Variants in IGF1R observed in about 807,000 individuals in gnomAD.
IGF1R encodes insulin-like growth factor 1 receptor.
A neutral mutation model predicts 144.6 loss-of-function variants in IGF1R; 44 were observed. The ratio of observed to expected loss-of-function variants is 0.30; its 90% CI spans 0.24 to 0.39. The LOEUF (loss-of-function observed/expected upper bound fraction) is 0.39, where lower values mean the gene tolerates loss of function less well. Among genes scored for constraint, IGF1R ranks in the 10% least tolerant of loss-of-function variants. IGF1R has a pLI of 1.00. For missense variants in IGF1R, 1,355 were observed against 1,833.7 expected, an observed-to-expected ratio of 0.74 and a Z score of 4.77; for synonymous variants, 795 against 722.8, an observed-to-expected ratio of 1.10 and a Z score of -1.60.
chr15:98,806,247 G>GTGT (rs1474204087), intron 2 of IGF1R, among the ~76,000 whole-genome samples: 1 of 152,146 alleles, frequency 6.6e-6, no homozygotes, highest in African/African-American at 2.4e-5. Context: ...ACAGGGCGAG[G>GTGT]TGTGGGGGGT....
chr15:98,947,842 A>G (rs1484572752), intron 19 of IGF1R, among the ~76,000 whole-genome samples: 2 of 152,188 alleles, frequency 1.3e-5, no homozygotes, highest in African/African-American at 4.8e-5. Context: ...GAGGCCCTGC[A>G]GGCCAGCAGC....
At chr15:98,810,747 AC>A (rs763739101) in intron 2 of IGF1R, among the ~76,000 whole-genome samples, 4 of 151,372 alleles carry the variant, frequency 2.6e-5, no homozygotes, top group Non-Finnish European at 5.9e-5. Context: ...ACGGGGTTTC[AC>A]CGTGTTAGCC....
At chr15:98,878,720 C>CGGT (rs1454364075) in intron 2 of IGF1R, among the ~76,000 whole-genome samples, 1 of 145,610 alleles carries the variant, frequency 6.9e-6, no homozygotes, top group Non-Finnish European at 1.5e-5. Flanking sequence ...AGGCCAGGCA[C>CGGT]GGTGGCTCAG....
chr15:98,658,998 A>G (rs2052543642), intron 1 of IGF1R, among the ~76,000 whole-genome samples: 1 of 152,266 alleles, frequency 6.6e-6, no homozygotes, highest in South Asian at 2.1e-4. Context: ...TGCCTAGAAT[A>G]GAACCTGGCA....
intron 2 of IGF1R, among the ~76,000 whole-genome samples, chr15:98,843,654 C>T (rs976288169): frequency 1.3e-5 from 2 of 151,984 alleles, no homozygotes; most frequent in African/African-American, 4.8e-5. Context: ...AGAAAGCAAC[C>T]CTGAAAGAAG....
chr15:98,733,399 G>A (rs1016868444), intron 2 of IGF1R, among the ~76,000 whole-genome samples: 1 of 152,006 alleles, frequency 6.6e-6, no homozygotes, highest in African/African-American at 2.4e-5. Flanking sequence ...TTTTAATAGA[G>A]ATGGGGTCTT....
chr15:98,720,518 C>T (rs1458860665), intron 2 of IGF1R, among the ~76,000 whole-genome samples: 2 of 152,084 alleles, frequency 1.3e-5, no homozygotes, highest in South Asian at 2.1e-4. Flanking sequence ...GGACTGCCTA[C>T]GAAACTAGAT....
At chr15:98,840,419 G>C (rs2011153575) in intron 2 of IGF1R, among the ~76,000 whole-genome samples, 1 of 152,176 alleles carries the variant, frequency 6.6e-6, no homozygotes, top group Non-Finnish European at 1.5e-5. Flanking sequence ...AAGAAGAAAA[G>C]ACAGGGAGGA....
chr15:98,755,889 G>C (rs992324402), intron 2 of IGF1R, among the ~76,000 whole-genome samples: 3 of 152,140 alleles, frequency 2.0e-5, no homozygotes, highest in Non-Finnish European at 4.4e-5. Flanking sequence ...GGAAGAGGCT[G>C]ATGAATTTTA....
intron 13 of IGF1R, among the ~76,000 whole-genome samples, chr15:98,927,634 G>A (rs779264898): frequency 1.3e-5 from 2 of 152,160 alleles, no homozygotes; most frequent in Non-Finnish European, 2.9e-5. Flanking sequence ...CCAGCTTTCC[G>A]TTGGTAATGA....
In IGF1R at chr15:98,957,654, G is replaced by A; in HGVS notation, c.*212G>A. ...ATATGCAAGCAGCTTTTTATTCCCT[G>A]CCCAAACCCTTAACTGACATGGGCC... is the stretch of plus-strand genomic sequence containing the variant. On this transcript the variant is annotated 3_prime_UTR_variant, in exon 21 of 21. Transcript: ENST00000650285. 2 of 624,052 alleles carry A rather than the reference G, an allele frequency of 3.2e-6. No individual in the cohort carries two copies. Among genetic ancestry groups the A allele is most frequent in the South Asian group, 1.9e-5 (1 of 51,630 alleles). 38.7% of individuals were successfully genotyped at this position (624,052 alleles called of 1,614,324 possible). A position where few individuals can be genotyped will look rare whatever the true frequency, so the allele number is the denominator to read the frequency against.
intron 4 of IGF1R, 139 bp from the exon 5 acceptor site, chr15:98,899,338 A>C: frequency 1.2e-6 from 1 of 833,274 alleles, no homozygotes; most frequent in Non-Finnish European, 2.0e-6. Context: ...TGTTTTTGTC[A>C]GGGAGCAGCC....
chr15:98,876,680 G>C (rs948006728), intron 2 of IGF1R, among the ~76,000 whole-genome samples: 1 of 152,058 alleles, frequency 6.6e-6, no homozygotes, highest in African/African-American at 2.4e-5. Flanking sequence ...GTTTTTTTCC[G>C]AGGCACTTTT....
chr15:98,786,917 G>C (rs996938998), intron 2 of IGF1R, among the ~76,000 whole-genome samples: 11 of 152,160 alleles, frequency 7.2e-5, no homozygotes, highest in African/African-American at 2.7e-4. Flanking sequence ...TTGATCCTTA[G>C]ACATTCCTTA....
At chr15:98,864,637 C>T (rs926297942) in intron 2 of IGF1R, among the ~76,000 whole-genome samples, 26 of 152,226 alleles carry the variant, frequency 1.7e-4, no homozygotes, top group Non-Finnish European at 2.6e-4. Context: ...CTTCTCCAGT[C>T]GGCCTCCCAA....
intron 2 of IGF1R, among the ~76,000 whole-genome samples, chr15:98,724,231 C>G (rs1229433481): frequency 6.6e-6 from 1 of 152,190 alleles, no homozygotes; most frequent in Admixed American, 6.5e-5. Context: ...CACTTATGAA[C>G]CAAGAACCTG....
intron 2 of IGF1R, among the ~76,000 whole-genome samples, chr15:98,888,194 A>G (rs2013732498): frequency 6.6e-6 from 1 of 152,234 alleles, no homozygotes; most frequent in East Asian, 1.9e-4. Context: ...CCCTGGGGAC[A>G]GGATTGTCGC....
Position 98,958,658 on chromosome 15 carries a change from T to C in IGF1R, c.*1216T>C, listed in dbSNP as rs1400717173. On this transcript the variant is annotated 3_prime_UTR_variant, in exon 21 of 21. Transcript: ENST00000650285. The stretch of plus-strand genomic sequence containing the variant: ...CACATCGTCTTTAATGTCACTTTTA[T>C]AACTTTTTTACGGTTCAGATATTCA... 4.3e-6 allele frequency: 1 copy of C among 231,836 alleles called. No individual in the cohort carries two copies. The highest frequency in any genetic ancestry group is 8.5e-6 in the Non-Finnish European group (1 of 117,016). 14.4% of individuals were successfully genotyped at this position (231,836 alleles called of 1,614,324 possible).
chr15:98,861,298 C>G (rs183047445), intron 2 of IGF1R, among the ~76,000 whole-genome samples: 1 of 152,318 alleles, frequency 6.6e-6, no homozygotes, highest in East Asian at 1.9e-4. Context: ...AATATACATG[C>G]AGGGACATTC....
Sources: allele counts gnomAD v4.1 joint callset (sites outside exome capture counted in the v4.1 genomes callset), GRCh38; gene constraint gnomAD v4.1.1; transcripts MANE v1.5; gene names NCBI Gene and HGNC (gene_info 2026-07-23, HGNC 2026-07-21).